The following FOXP1 variants were observed in gnomAD, a reference collection of about 807,000 sequenced individuals.
FOXP1 encodes the protein forkhead box P1, also known as forkhead box protein P1.
A neutral mutation model predicts 98.2 loss-of-function variants in FOXP1; 15 were observed. The observed-to-expected ratio is 0.15, with a 90% confidence interval of 0.10 to 0.24. FOXP1 has a LOEUF of 0.24. FOXP1 is among the 10% of genes least tolerant of loss of function. The probability of loss-of-function intolerance (pLI) is 1.00; values close to 1 mark genes in which losing one functional copy is unlikely to be tolerated. For synonymous variants in FOXP1, 371 were observed against 314.5 expected (o/e 1.18, Z -1.90); for missense variants, 633 against 848.5 (o/e 0.75, Z 3.15).
intron 2 of FOXP1, among the ~76,000 whole-genome samples, chr3:71,514,763 G>A (rs766494922): frequency 5.9e-5 from 9 of 152,154 alleles, no homozygotes; most frequent in African/African-American, 1.7e-4. Context: ...ATGTGGAGCC[G>A]ACCCAGGTGA....
intron 4 of FOXP1, among the ~76,000 whole-genome samples, chr3:71,322,626 G>T (rs910503929): frequency 2.0e-5 from 3 of 152,128 alleles, no homozygotes; most frequent in African/African-American, 7.2e-5. Flanking sequence ...GTCATCAAGG[G>T]GCATTCGGAG....
intron 4 of FOXP1, among the ~76,000 whole-genome samples, chr3:71,323,130 C>G (rs1450883915): frequency 2.6e-5 from 4 of 152,226 alleles, no homozygotes; most frequent in African/African-American, 9.6e-5. Context: ...ACCACCACGT[C>G]TGGCTAATTT....
chr3:71,178,025 G>T (rs2108263028), intron 6 of FOXP1, among the ~76,000 whole-genome samples: 1 of 149,342 alleles, frequency 6.7e-6, no homozygotes, highest in East Asian at 2.0e-4. Context: ...GTAAAGATGA[G>T]GTCTCGCTAT....
intron 2 of FOXP1, among the ~76,000 whole-genome samples, chr3:71,527,519 T>A (rs1346700660): frequency 1.3e-5 from 2 of 152,202 alleles, no homozygotes; most frequent in African/African-American, 4.8e-5. Context: ...AAGCTCAGAT[T>A]ATGCTAAAAG....
chr3:71,511,431 T>C (rs2042197398), intron 2 of FOXP1, among the ~76,000 whole-genome samples: 1 of 151,850 alleles, frequency 6.6e-6, no homozygotes, highest in South Asian at 2.1e-4. Flanking sequence ...CCATGTGGAA[T>C]GTCAGATTTT....
intron 6 of FOXP1, among the ~76,000 whole-genome samples, chr3:71,171,032 T>TGCTATA (rs2061627286): frequency 6.6e-6 from 1 of 152,112 alleles, no homozygotes; most frequent in Admixed American, 6.5e-5. Flanking sequence ...TGCAAAATGC[T>TGCTATA]GCTATAACTT....
chr3:71,078,127 C>T (rs183178643), intron 7 of FOXP1, among the ~76,000 whole-genome samples: 120 of 145,254 alleles, frequency 8.3e-4, no homozygotes, highest in Non-Finnish European at 1.3e-3. Flanking sequence ...CCACCCCGCC[C>T]GGCCTCCTCT....
intron 4 of FOXP1, among the ~76,000 whole-genome samples, chr3:71,310,169 G>A (rs1245219332): frequency 6.6e-6 from 1 of 152,200 alleles, no homozygotes; most frequent in Non-Finnish European, 1.5e-5. Context: ...CCGTGTGCTA[G>A]CAGGACTTGC....
chr3:71,021,728 G>C (rs1001020891), intron 11 of FOXP1, among the ~76,000 whole-genome samples: 2 of 152,154 alleles, frequency 1.3e-5, no homozygotes, highest in Non-Finnish European at 2.9e-5. Context: ...TCACAGCTAG[G>C]AAATGGTACC....
At chr3:71,262,258 CTG>C (rs1290563858) in intron 5 of FOXP1, among the ~76,000 whole-genome samples, 1 of 71,278 alleles carries the variant, frequency 1.4e-5, no homozygotes, top group African/African-American at 6.4e-5. Flanking sequence ...GGACAAGACT[CTG>C]TCACAAAAAA....
intron 6 of FOXP1, among the ~76,000 whole-genome samples, chr3:71,141,011 G>C (rs1453884592): frequency 6.6e-6 from 1 of 151,892 alleles, no homozygotes; most frequent in Non-Finnish European, 1.5e-5. Flanking sequence ...GTTCATGCCT[G>C]TAATCCCAGC....
At chr3:71,182,087 T>A (rs1448401464) in intron 6 of FOXP1, among the ~76,000 whole-genome samples, 4 of 152,138 alleles carry the variant, frequency 2.6e-5, no homozygotes, top group Non-Finnish European at 4.4e-5. Flanking sequence ...TGTGGTTTTT[T>A]AAAAATCCAT....
intron 3 of FOXP1, among the ~76,000 whole-genome samples, chr3:71,431,920 C>T (rs892576290): frequency 1.3e-5 from 2 of 152,072 alleles, no homozygotes; most frequent in Non-Finnish European, 2.9e-5. Flanking sequence ...ATTTAAACAC[C>T]ATCATATGTG....
chr3:70,978,077 C>G, intron 14 of FOXP1, 48 bp from the exon 15 acceptor site: 3 of 1,525,994 alleles, frequency 2.0e-6, no homozygotes, highest in Non-Finnish European at 2.7e-6. Context: ...AAAACCAGAG[C>G]AACCCAGGAA....
intron 5 of FOXP1, among the ~76,000 whole-genome samples, chr3:71,223,760 T>C (rs2065606218): frequency 6.6e-6 from 1 of 152,110 alleles, no homozygotes; most frequent in Non-Finnish European, 1.5e-5. Flanking sequence ...ATTTTTATGC[T>C]GACCAAAGGT....
At chr3:71,539,781 A>T (rs2044643487) in intron 2 of FOXP1, among the ~76,000 whole-genome samples, 1 of 152,214 alleles carries the variant, frequency 6.6e-6, no homozygotes, top group African/African-American at 2.4e-5. Context: ...TTTAAGTTGG[A>T]ATTGTAGAAA....
At chr3:71,228,531 T>G (rs796540277) in intron 5 of FOXP1, among the ~76,000 whole-genome samples, 25 of 152,276 alleles carry the variant, frequency 1.6e-4, no homozygotes, top group African/African-American at 5.5e-4. Context: ...GGAAGATGCG[T>G]CCCACTCATA....
At chr3:71,100,468 AGAG>A (rs1462721332) in intron 7 of FOXP1, among the ~76,000 whole-genome samples, 1 of 152,224 alleles carries the variant, frequency 6.6e-6, no homozygotes, top group Non-Finnish European at 1.5e-5. Flanking sequence ...TCTTATAGTC[AGAG>A]GAGATCAGAA....
intron 6 of FOXP1, among the ~76,000 whole-genome samples, chr3:71,187,926 A>G (rs1158630148): frequency 6.6e-6 from 1 of 152,198 alleles, no homozygotes; most frequent in Non-Finnish European, 1.5e-5. Context: ...ACCTTGTAAA[A>G]GGTTGTTGAG....
Sources: gnomAD v4.1 joint callset for allele counts (sites outside exome capture counted in the v4.1 genomes callset) on GRCh38, gnomAD v4.1.1 for gene constraint, MANE v1.5 for transcripts, NCBI Gene and HGNC (gene_info 2026-07-23, HGNC 2026-07-21) for gene names.